The following ROBO2 variants were observed in gnomAD, a reference collection of about 807,000 sequenced individuals.
ROBO2 encodes the protein roundabout guidance receptor 2.
A neutral mutation model predicts 160.8 loss-of-function variants in ROBO2; 53 were observed. That is an observed-to-expected ratio of 0.33 (90% CI 0.26 to 0.41). The LOEUF is 0.41. Among genes scored for constraint, ROBO2 ranks in the 10% least tolerant of loss-of-function variants. The pLI, the probability that ROBO2 is intolerant of heterozygous loss-of-function variation, is 1.00. For missense variants in ROBO2, 1,577 were observed against 1,722.4 expected (o/e 0.92, Z 1.49); for synonymous variants, 664 against 611.7 (o/e 1.09, Z -1.26).
intron 2 of ROBO2, among the ~76,000 whole-genome samples, chr3:76,271,420 G>C (rs1302790365): frequency 6.6e-6 from 1 of 151,084 alleles, no homozygotes; most frequent in African/African-American, 2.4e-5. Flanking sequence ...CAGAACCAGG[G>C]AAAGTATGTG....
intron 2 of ROBO2, among the ~76,000 whole-genome samples, chr3:76,568,899 G>A (rs556633011): frequency 1.3e-5 from 2 of 152,110 alleles, no homozygotes; most frequent in Admixed American, 6.5e-5. Flanking sequence ...GAATTGATAT[G>A]TAAAACCTGC....
chr3:76,457,986 C>T lies in ROBO2; in HGVS notation c.109+520384C>T, dbSNP rs190541164. On this transcript the variant is annotated intron_variant, in intron 2 of 26. Transcript: ENST00000487694. Reference sequence around the variant, plus strand: ...AAATCACTTTTTCTTCCTGGGCCTCCGGGCCTGTGATGGGAGGGGCTTCTC... The same window carrying T: ...AAATCACTTTTTCTTCCTGGGCCTCTGGGCCTGTGATGGGAGGGGCTTCTC... 1.2e-3 allele frequency among the ~76,000 whole-genome samples: 181 copies of T among 152,164 alleles called. 1 individual carries two copies. The highest frequency in any genetic ancestry group is 3.0e-3 in the African/African-American group (125 of 41,538).
chr3:77,051,051 A>G (rs942206276), intron 1 of ROBO2, among the ~76,000 whole-genome samples: 1 of 151,606 alleles, frequency 6.6e-6, no homozygotes, highest in Non-Finnish European at 1.5e-5. Flanking sequence ...AAATGGGCAT[A>G]TGAGCCCTGA....
At chr3:77,066,506 T>G (rs4565012) in intron 1 of ROBO2, among the ~76,000 whole-genome samples, 151,316 of 152,162 alleles carry the variant, frequency 0.99, 75,244 homozygotes, top group East Asian at 1. Flanking sequence ...ATTAGAAAAA[T>G]TTTGTTAGAC....
chr3:76,800,899 T>G (rs2064145936), intron 2 of ROBO2, among the ~76,000 whole-genome samples: 1 of 152,174 alleles, frequency 6.6e-6, no homozygotes, highest in African/African-American at 2.4e-5. Context: ...CACAGCTAGG[T>G]ATACCCCCTG....
At chr3:76,894,027 C>G (rs957556888) in intron 2 of ROBO2, among the ~76,000 whole-genome samples, 10 of 152,108 alleles carry the variant, frequency 6.6e-5, no homozygotes, top group African/African-American at 2.2e-4. Context: ...AAAGTTTGCT[C>G]TTTCAACAGT....
At chr3:76,596,120 G>C (rs1354195290) in intron 2 of ROBO2, among the ~76,000 whole-genome samples, 1 of 152,074 alleles carries the variant, frequency 6.6e-6, no homozygotes, top group Non-Finnish European at 1.5e-5. Flanking sequence ...AAGCCCTGTT[G>C]TAAGTAGTGT....
At chr3:75,921,005 T>A (rs1947020610) in intron 1 of ROBO2, among the ~76,000 whole-genome samples, 1 of 152,186 alleles carries the variant, frequency 6.6e-6, no homozygotes, top group Non-Finnish European at 1.5e-5. Flanking sequence ...CTATGTCTTT[T>A]AATTGGGGCA....
At chr3:76,510,806 A>G (rs1480570960) in intron 2 of ROBO2, among the ~76,000 whole-genome samples, 1 of 152,174 alleles carries the variant, frequency 6.6e-6, no homozygotes, top group Non-Finnish European at 1.5e-5. Flanking sequence ...ATAAATGAAG[A>G]TCTTGACTGT....
chr3:76,612,102 T>C (rs1271817878), intron 2 of ROBO2, among the ~76,000 whole-genome samples: 2 of 152,208 alleles, frequency 1.3e-5, no homozygotes, highest in East Asian at 3.8e-4. Flanking sequence ...TTTTATTCTA[T>C]TGTGGTCAAA....
At chr3:76,589,299 T>C (rs1220655383) in intron 2 of ROBO2, among the ~76,000 whole-genome samples, 4 of 151,762 alleles carry the variant, frequency 2.6e-5, no homozygotes, top group African/African-American at 7.3e-5. Context: ...AACACTTGGC[T>C]TTTTGTTTGT....
intron 2 of ROBO2, among the ~76,000 whole-genome samples, chr3:76,421,603 G>A (rs953282798): frequency 6.6e-6 from 1 of 151,240 alleles, no homozygotes; most frequent in Non-Finnish European, 1.5e-5. Context: ...GTGCATGCCT[G>A]TAATCCCAGC....
At chr3:76,028,845 C>G (rs2066827914) in intron 2 of ROBO2, among the ~76,000 whole-genome samples, 1 of 151,786 alleles carries the variant, frequency 6.6e-6, no homozygotes, top group African/African-American at 2.4e-5. Flanking sequence ...TAAAAAAAGG[C>G]CTGGGTTATT....
intron 2 of ROBO2, among the ~76,000 whole-genome samples, chr3:77,382,645 C>T (rs2073654564): frequency 6.6e-6 from 1 of 152,162 alleles, no homozygotes; most frequent in African/African-American, 2.4e-5. Flanking sequence ...AGCTTACCTC[C>T]CACTTACAAG....
At chr3:76,230,007 A>G (rs1422543220) in intron 2 of ROBO2, among the ~76,000 whole-genome samples, 1 of 152,144 alleles carries the variant, frequency 6.6e-6, no homozygotes, top group Non-Finnish European at 1.5e-5. Flanking sequence ...CAGGCAGGAA[A>G]GGAGACCCTG....
At chr3:75,914,417 G>A (rs894994350) in intron 1 of ROBO2, among the ~76,000 whole-genome samples, 8 of 152,146 alleles carry the variant, frequency 5.3e-5, no homozygotes, top group Admixed American at 3.3e-4. Flanking sequence ...CAGTAGTGCA[G>A]TAAGTACTTT....
chr3:77,420,892 A>G (rs1208697447), intron 2 of ROBO2, among the ~76,000 whole-genome samples: 1 of 152,128 alleles, frequency 6.6e-6, no homozygotes, highest in African/African-American at 2.4e-5. Context: ...TTTTCCCCAC[A>G]TTGACAGTTT....
At chr3:76,473,440 C>T (rs915416071) in intron 2 of ROBO2, among the ~76,000 whole-genome samples, 2 of 152,118 alleles carry the variant, frequency 1.3e-5, no homozygotes, top group African/African-American at 4.8e-5. Context: ...ATACCTTCCT[C>T]TCAGACTCTT....
intron 2 of ROBO2, chr3:76,434,217 G>A (rs2076564494): frequency 9.4e-7 from 1 of 1,061,182 alleles, no homozygotes; most frequent in Admixed American, 1.7e-5. Context: ...GAAATATGCA[G>A]AGATGGTCCA....
Sources: gnomAD v4.1 joint callset for allele counts (sites outside exome capture counted in the v4.1 genomes callset) on GRCh38, gnomAD v4.1.1 for gene constraint, MANE v1.5 for transcripts, NCBI Gene and HGNC (gene_info 2026-07-23, HGNC 2026-07-21) for gene names.